The following KLHDC4 variants were observed in gnomAD, a reference collection of about 807,000 sequenced individuals.
KLHDC4 encodes the protein kelch domain containing 4, also known as kelch domain-containing protein 4.
A neutral mutation model predicts 62.4 loss-of-function variants in KLHDC4; 90 were observed. That is an observed-to-expected ratio of 1.44 (90% CI 1.22 to 1.72). The LOEUF (loss-of-function observed/expected upper bound fraction) is 1.72, where lower values mean the gene tolerates loss of function less well. Ranked by LOEUF, KLHDC4 falls within the 40% of genes most tolerant of loss-of-function variation. KLHDC4 has a pLI of 0.00. For synonymous variants in KLHDC4, 386 were observed against 284.4 expected (o/e 1.36, Z -3.59); for missense variants, 1,025 against 699.7 (o/e 1.47, Z -5.25).
intron 7 of KLHDC4, among the ~76,000 whole-genome samples, chr16:87,716,033 G>A (rs1168839570): frequency 1.3e-5 from 2 of 152,084 alleles, no homozygotes; most frequent in African/African-American, 4.8e-5. Flanking sequence ...GCAGACTTTG[G>A]GTAGGCTCTA....
intron 5 of KLHDC4, among the ~76,000 whole-genome samples, chr16:87,745,002 G>C (rs770856300): frequency 6.6e-6 from 1 of 152,142 alleles, no homozygotes; most frequent in Non-Finnish European, 1.5e-5. Flanking sequence ...GCACACACGT[G>C]TACACATGCA....
rs866387341 is a variant in KLHDC4, at chr16:87,700,189, G to A, written c.*1450C>T. 1.0e-4 allele frequency: 16 copies of A among 153,456 alleles called. No homozygotes were observed. In the Middle Eastern group the frequency reaches 7.4e-3, roughly 71 times the overall value. The allele number at this position is 153,456 out of a possible 1,614,324, so 9.5% of individuals were successfully genotyped here. On this transcript the variant is annotated 3_prime_UTR_variant, in exon 1 of 1. Transcript: ENST00000446344. Reference sequence around the variant, plus strand: ...CGGAAGGACCGTCTCCCTCCTCTAGGTCATGCTCACTTTCTCTGACTCTTC... The same window carrying A: ...CGGAAGGACCGTCTCCCTCCTCTAGATCATGCTCACTTTCTCTGACTCTTC...
chr16:87,729,443 C>G (rs1416532896), intron 6 of KLHDC4: 1 of 152,238 alleles, frequency 6.6e-6, no homozygotes, highest in East Asian at 1.9e-4. Flanking sequence ...CACCACGATG[C>G]CAGCAGAGAG....
intron 5 of KLHDC4, among the ~76,000 whole-genome samples, chr16:87,744,857 T>C (rs1047976005): frequency 6.7e-6 from 1 of 148,814 alleles, no homozygotes; most frequent in East Asian, 2.0e-4. Context: ...CAGCACACAC[T>C]TGCAAGTGCA....
At chr16:87,765,376 A>T in intron 1 of KLHDC4, 1 of 466,934 alleles carries the variant, frequency 2.1e-6, no homozygotes, top group Non-Finnish European at 4.3e-6. Flanking sequence ...AAAAGTTAAG[A>T]GTCTTACTCC....
chr16:87,714,356 AAT>A, intron 8 of KLHDC4, 140 bp downstream of exon 8: 1 of 370,112 alleles, frequency 2.7e-6, no homozygotes, highest in Non-Finnish European at 4.7e-6. Flanking sequence ...CCCACCCCGA[AAT>A]GAGCCATCTC....
At chr16:87,752,106 A>C (rs1254648014) in intron 4 of KLHDC4, among the ~76,000 whole-genome samples, 2 of 143,906 alleles carry the variant, frequency 1.4e-5, no homozygotes, top group African/African-American at 2.6e-5. Flanking sequence ...AAAAAAAAAA[A>C]AAAAAAAAGA....
At chr16:87,751,877 T>C (rs962501399) in intron 4 of KLHDC4, among the ~76,000 whole-genome samples, 12 of 149,980 alleles carry the variant, frequency 8.0e-5, no homozygotes, top group Non-Finnish European at 1.6e-4. Context: ...ATTAAGACCA[T>C]CCTGGCTAAC....
intron 5 of KLHDC4, among the ~76,000 whole-genome samples, chr16:87,736,638 T>C (rs1265578498): frequency 1.3e-5 from 2 of 152,206 alleles, no homozygotes; most frequent in African/African-American, 4.8e-5. Flanking sequence ...CTTAATCACG[T>C]TATGTGGCAT....
rs1182146903 is a variant in KLHDC4 at position 87,765,839 on chromosome 16, C to G, written c.52G>C (p.Ala18Pro). The change falls in exon 1 of 12, where the codon GCC (alanine) becomes CCC (proline). Residue 18 changes from alanine (A) to proline (P), a missense_variant. Ala to Pro is a conservative substitution (Grantham distance 27). Transcript: ENST00000270583. ...EKKGRGAEKTAAKMEKKVSKR... is the reference protein window; with the variant it reads ...EKKGRGAEKTPAKMEKKVSKR... ...GACACCTTCTTCTCCATCTTGGCGG[C>G]CGTCTTCTCCGCGCCGCGGCCCTTC... The G allele has an allele frequency of 6.4e-7, 1 of 1,557,360 alleles. No individual in the cohort carries two copies. The highest frequency in any genetic ancestry group is 1.4e-5 in the African/African-American group (1 of 73,658).
At chr16:87,748,003 T>C (rs532763986) in intron 5 of KLHDC4, among the ~76,000 whole-genome samples, 11 of 152,320 alleles carry the variant, frequency 7.2e-5, no homozygotes, top group African/African-American at 2.4e-4. Flanking sequence ...AGGCCACACA[T>C]AGAAGGACAC....
intron 7 of KLHDC4, among the ~76,000 whole-genome samples, chr16:87,716,735 T>A (rs2037073381): frequency 6.6e-6 from 1 of 151,890 alleles, no homozygotes; most frequent in South Asian, 2.1e-4. Flanking sequence ...TCAAGACTAA[T>A]CCTGGCTAAC....
rs762717983 is a variant in KLHDC4 at position 87,709,501 on chromosome 16, G to A, written c.1211C>T (p.Ala404Val). Residue 404 changes from alanine (A) to valine (V), a missense_variant, in exon 10 of 12, where the codon GCG becomes GTG. Physicochemically the swap from Ala to Val is moderately conservative, Grantham distance 64. Transcript: ENST00000270583. ...TVVTIKQVLTAPGSAGQPRSE... is the reference protein window; with the variant it reads ...TVVTIKQVLTVPGSAGQPRSE... ...CCGGGGCTGCCCCGCCGAGCCTGGC[G>A]CGGTGAGCACCTGCTTAATGGTGAC... 1.4e-5 allele frequency: 23 copies of A among 1,611,878 alleles called. No homozygotes were observed. The highest frequency in any genetic ancestry group is 1.9e-5 in the Non-Finnish European group (22 of 1,179,906).
At chr16:87,731,597 T>C (rs1229872729) in intron 5 of KLHDC4, among the ~76,000 whole-genome samples, 1 of 148,238 alleles carries the variant, frequency 6.7e-6, no homozygotes, top group East Asian at 1.9e-4. Flanking sequence ...CAACATCAAG[T>C]GCTGGCGAGG....
chr16:87,720,079 C>G (rs554262810), intron 7 of KLHDC4, among the ~76,000 whole-genome samples: 1 of 152,192 alleles, frequency 6.6e-6, no homozygotes, highest in East Asian at 1.9e-4. Context: ...TTGGCTCACC[C>G]GGCTGTCGGC....
At chr16:87,756,975 A>G (rs11117296) in intron 2 of KLHDC4, among the ~76,000 whole-genome samples, 105,232 of 151,536 alleles carry the variant, frequency 0.69, 38,081 homozygotes, top group African/African-American at 0.89. Context: ...CACCACACCC[A>G]GCTAGTTTTT....
chr16:87,742,308 T>G (rs1390765048), intron 5 of KLHDC4, among the ~76,000 whole-genome samples: 1 of 152,160 alleles, frequency 6.6e-6, no homozygotes, highest in African/African-American at 2.4e-5. Flanking sequence ...TCCGGCCACA[T>G]AGCACTCAGA....
At chr16:87,737,995 T>A (rs2041628779) in intron 5 of KLHDC4, among the ~76,000 whole-genome samples, 1 of 152,162 alleles carries the variant, frequency 6.6e-6, no homozygotes, top group Non-Finnish European at 1.5e-5. Context: ...ACCCCGGCCT[T>A]CCAGCAGGGC....
Position 87,746,226 on chromosome 16 carries a change from C to A in KLHDC4, c.506+2447G>T, listed in dbSNP as rs2043011545. On this transcript the variant is annotated intron_variant, in intron 5 of 11. Transcript: ENST00000270583. The stretch of plus-strand genomic sequence containing the variant: ...TTGAGGCTGCAATAAGGTGTGATCA[C>A]ACCACTGTATTCCAGCCTGGGCAAC... Among the ~76,000 whole-genome samples the A allele has an allele frequency of 2.6e-5, 4 of 151,972 alleles. No homozygotes were observed. The South Asian group carries it at 8.3e-4, about 32-fold the overall frequency.
Sources: allele counts gnomAD v4.1 joint callset (sites outside exome capture counted in the v4.1 genomes callset), GRCh38; gene constraint gnomAD v4.1.1; transcripts MANE v1.5; gene names NCBI Gene and HGNC (gene_info 2026-07-23, HGNC 2026-07-21).